The following NBEA variants were observed in gnomAD, a reference collection of about 807,000 sequenced individuals.
NBEA encodes the protein lysosomal-trafficking regulator 2.
NBEA carries 44 observed loss-of-function variants against 343.4 expected under a neutral mutation model. The observed-to-expected ratio is 0.13, with a 90% CI of 0.10 to 0.16. The LOEUF is 0.16. Ranked by LOEUF, NBEA falls within the 10% of genes least tolerant of loss-of-function variation. NBEA has a pLI of 1.00. For missense variants in NBEA, 2,555 were observed against 3,631.3 expected (o/e 0.70, Z 7.62); for synonymous variants, 1,175 against 1,238.7 (o/e 0.95, Z 1.08).
intron 28 of NBEA, among the ~76,000 whole-genome samples, chr13:35,180,091 G>C (rs1472954625): frequency 6.6e-6 from 1 of 151,584 alleles, no homozygotes. Flanking sequence ...TTTGCTTTTT[G>C]CCTGCAAATG....
chr13:35,168,926 T>C, intron 24 of NBEA, 61 bp from the exon 25 acceptor site: 1 of 1,167,554 alleles, frequency 8.6e-7, no homozygotes, highest in Non-Finnish European at 1.1e-6. Context: ...TCATTTAATT[T>C]AATAATTTCC....
intron 34 of NBEA, chr13:35,250,982 C>T (rs979908850): frequency 6.5e-6 from 1 of 153,172 alleles, no homozygotes; most frequent in South Asian, 2.0e-4. Flanking sequence ...AGTGCTGTAA[C>T]TCTAACGTTC....
At chr13:35,270,048 C>A (rs942192223) in intron 34 of NBEA, among the ~76,000 whole-genome samples, 1 of 152,086 alleles carries the variant, frequency 6.6e-6, no homozygotes, top group African/African-American at 2.4e-5. Context: ...CCAAAGGATA[C>A]CTCTTTTTGA....
chr13:34,964,869 G>A (rs559547190), intron 1 of NBEA, among the ~76,000 whole-genome samples: 5 of 152,166 alleles, frequency 3.3e-5, no homozygotes, highest in Admixed American at 1.3e-4. Context: ...TAGAAACAGT[G>A]AGTGGGGAAA....
rs148071713 is a variant in NBEA at position 34,968,395 on chromosome 13, A to G, written c.294+25281A>G. On this transcript the variant is annotated intron_variant, in intron 1 of 58. Coordinates refer to ENST00000379939, the MANE Select transcript of NBEA (RefSeq NM_001385012.1). ...CCCTTGAAACTATCTAAGGGCCCCA[A>G]CATGAGTTAGCTTGTTAGCATGAGC... 4.9e-3 allele frequency among the ~76,000 whole-genome samples: 753 copies of G among 152,210 alleles called. 6 individuals are homozygous for G. Among genetic ancestry groups the G allele is most frequent in the African/African-American group, 0.017 (706 of 41,556 alleles).
intron 49 of NBEA, among the ~76,000 whole-genome samples, chr13:35,644,895 A>G (rs1328613978): frequency 1.3e-5 from 2 of 152,248 alleles, no homozygotes; most frequent in African/African-American, 2.4e-5. Flanking sequence ...ATGCAAATAA[A>G]TGTATACATA....
intron 17 of NBEA, among the ~76,000 whole-genome samples, chr13:35,137,722 T>G (rs2152691311): frequency 6.6e-6 from 1 of 152,270 alleles, no homozygotes; most frequent in African/African-American, 2.4e-5. Context: ...TAGTAGAATT[T>G]TAAGTCTTGT....
At chr13:35,045,242 T>G (rs1372917270) in intron 3 of NBEA, 64 bp from the exon 4 acceptor site, 1 of 1,355,926 alleles carries the variant, frequency 7.4e-7, no homozygotes, top group Admixed American at 2.2e-5. Flanking sequence ...ATGGGTAACA[T>G]GGTATATTAA....
At chr13:35,047,570 T>G (rs747066267) in intron 4 of NBEA, among the ~76,000 whole-genome samples, 2 of 151,900 alleles carry the variant, frequency 1.3e-5, no homozygotes, top group Non-Finnish European at 2.9e-5. Flanking sequence ...CAACATGATG[T>G]ATAGGAAGAG....
chr13:35,158,630 C>A (rs530273195), intron 21 of NBEA, among the ~76,000 whole-genome samples: 1 of 152,066 alleles, frequency 6.6e-6, no homozygotes, highest in South Asian at 2.1e-4. Flanking sequence ...TGGTGAAAAC[C>A]AACATAGTAA....
intron 36 of NBEA, among the ~76,000 whole-genome samples, chr13:35,346,348 C>A (rs2039875159): frequency 6.6e-6 from 1 of 152,130 alleles, no homozygotes; most frequent in Non-Finnish European, 1.5e-5. Context: ...ATTCTAATAT[C>A]ACATCTCTTC....
At chr13:35,067,343 T>C (rs949034959) in intron 8 of NBEA, among the ~76,000 whole-genome samples, 5 of 151,560 alleles carry the variant, frequency 3.3e-5, no homozygotes, top group Non-Finnish European at 7.4e-5. Context: ...AAGTGGTCCA[T>C]ACTGAAAAGA....
At chr13:35,623,025 A>G (rs2083063382) in intron 48 of NBEA, among the ~76,000 whole-genome samples, 1 of 152,144 alleles carries the variant, frequency 6.6e-6, no homozygotes, top group Non-Finnish European at 1.5e-5. Flanking sequence ...ATCACTCTTT[A>G]TTTCCTTCTT....
intron 38 of NBEA, among the ~76,000 whole-genome samples, chr13:35,370,173 G>A (rs1023656743): frequency 1.3e-5 from 2 of 151,830 alleles, no homozygotes; most frequent in South Asian, 4.1e-4. Context: ...GCTCCCTTTA[G>A]ATAGAATAAT....
chr13:35,211,201 TC>T (rs1460740153), intron 33 of NBEA, 22 bp downstream of exon 33: 3 of 1,529,680 alleles, frequency 2.0e-6, no homozygotes, highest in African/African-American at 1.4e-5. Flanking sequence ...TACTTTTTAT[TC>T]ATTTTAACTC....
At chr13:35,162,023 C>G (rs2069598517) in intron 23 of NBEA, 56 bp downstream of exon 23, 1 of 1,420,396 alleles carries the variant, frequency 7.0e-7, no homozygotes, top group Non-Finnish European at 9.5e-7. Context: ...ATGCCATTGC[C>G]TATTCTATTT....
At chr13:35,403,211 GTATT>G (rs2043079133) in intron 38 of NBEA, among the ~76,000 whole-genome samples, 1 of 151,724 alleles carries the variant, frequency 6.6e-6, no homozygotes, top group Non-Finnish European at 1.5e-5. Flanking sequence ...ACTTAAAATT[GTATT>G]TAAATATTTT....
Position 35,452,189 on chromosome 13 carries a change from T to G in NBEA, c.6402T>G (p.Asp2134Glu). 6.2e-7 allele frequency: 1 copy of G among 1,604,212 alleles called. No homozygotes were observed. The highest frequency in any genetic ancestry group is 8.5e-7 in the Non-Finnish European group (1 of 1,174,398). Residue 2134 changes from aspartate to glutamate, a missense_variant, in exon 40 of 59, where the codon GAT becomes GAG. Coordinates refer to ENST00000379939, the MANE Select transcript of NBEA (RefSeq NM_001385012.1). ...AETELMLEGD[D>E]DAVSLLQEKE... is the part of the protein sequence containing the mutation. ...CAGAACTTATGCTGGAAGGAGACGA[T>G]GATGCAGTCAGTCTGCTACAGGAGA... is the stretch of plus-strand genomic sequence containing the variant.
chr13:35,420,407 A>T (rs770296584), intron 38 of NBEA, among the ~76,000 whole-genome samples: 4 of 152,006 alleles, frequency 2.6e-5, no homozygotes, highest in Non-Finnish European at 5.9e-5. Flanking sequence ...TCAGCTGTTA[A>T]TGTAATGCAC....
Sources: allele counts gnomAD v4.1 joint callset (sites outside exome capture counted in the v4.1 genomes callset), GRCh38; gene constraint gnomAD v4.1.1; transcripts MANE v1.5; gene names NCBI Gene and HGNC (gene_info 2026-07-23, HGNC 2026-07-21).